The following EPB41L1 variants were observed in gnomAD, a reference collection of about 807,000 sequenced individuals.
EPB41L1 encodes erythrocyte membrane protein band 4.1 like 1.
A neutral mutation model predicts 97.8 loss-of-function variants in EPB41L1; 29 were observed. That is an observed-to-expected ratio of 0.30 (90% CI 0.22 to 0.40). EPB41L1 has a LOEUF of 0.40. Among genes scored for constraint, EPB41L1 ranks in the 10% least tolerant of loss-of-function variants. The probability of loss-of-function intolerance (pLI) is 1.00; values close to 1 mark genes in which losing one functional copy is unlikely to be tolerated. For missense variants in EPB41L1, 812 were observed against 1,162.3 expected, an observed-to-expected ratio of 0.70 and a Z score of 4.38; for synonymous variants, 383 against 459.2, an observed-to-expected ratio of 0.83 and a Z score of 2.12.
Position 36,212,254 on chromosome 20 carries a change from T to TC in EPB41L1, c.2080-15dup. Reference sequence around the variant, plus strand: ...CTAGGGTTTCAGTTACAGAGCATTCTCCCTCCTTTTCCTACAGCCCGTGAA... The same window carrying TC: ...CTAGGGTTTCAGTTACAGAGCATTCTCCCCTCCTTTTCCTACAGCCCGTGAA... On this transcript the variant is annotated splice_polypyrimidine_tract_variant and intron_variant, in intron 15 of 21. Coordinates refer to ENST00000338074, the MANE Select transcript of EPB41L1 (RefSeq NM_012156.2). This position sits in a 1 kb window ranked among gnomAD's most constrained non-coding sequence, Gnocchi z 4.8. 2.5e-6 allele frequency: 4 copies of TC among 1,612,772 alleles called. No individual in the cohort carries two copies. The highest frequency in any genetic ancestry group is 3.4e-6 in the Non-Finnish European group (4 of 1,178,782).
At chr20:36,199,456 G>A (rs1220896507) in intron 14 of EPB41L1, among the ~76,000 whole-genome samples, 1 of 152,220 alleles carries the variant, frequency 6.6e-6, no homozygotes, top group African/African-American at 2.4e-5. Context: ...AATTAGCAGA[G>A]CATTTTATTG....
intron 2 of EPB41L1, among the ~76,000 whole-genome samples, chr20:36,132,347 C>T (rs1255845283): frequency 2.0e-5 from 3 of 151,986 alleles, no homozygotes; most frequent in Non-Finnish European, 4.4e-5. Context: ...GTAGCTGGGT[C>T]CCTCCCACCT....
At chr20:36,188,893 G>T (rs952122460) in intron 9 of EPB41L1, among the ~76,000 whole-genome samples, 3 of 148,598 alleles carry the variant, frequency 2.0e-5, no homozygotes, top group African/African-American at 7.4e-5. Flanking sequence ...AAAAAAAAAA[G>T]GGAGAAAAAA....
chr20:36,229,587 C>A lies in EPB41L1; in HGVS notation c.*247C>A. ...AGAGCAGTTGGCTGACAGCAACAAC[C>A]GACATCTGAACACCTACATTTCCTT... is the stretch of plus-strand genomic sequence containing the variant. On this transcript the variant is annotated 3_prime_UTR_variant, in exon 22 of 22. Transcript: ENST00000338074. 5.3e-6 allele frequency: 2 copies of A among 379,388 alleles called. No homozygotes were observed. Among genetic ancestry groups the A allele is most frequent in the Non-Finnish European group, 9.6e-6 (2 of 209,372 alleles). The allele number at this position is 379,388 out of a possible 1,614,324, so 23.5% of individuals were successfully genotyped here.
Position 36,195,403 on chromosome 20 carries a change from C to T in EPB41L1, c.1485+39C>T. On this transcript the variant is annotated intron_variant, in intron 13 of 21. Coordinates refer to ENST00000338074, the MANE Select transcript of EPB41L1 (RefSeq NM_012156.2). The surrounding 1 kb of genome is among the most constrained non-coding windows in gnomAD (Gnocchi z 4.6). Reference sequence around the variant, plus strand: ...CCTGTCCCTCCCTACCCAGCCGTTCCCATCCCTAGCTCATTTGTCACCATC... The same window carrying T: ...CCTGTCCCTCCCTACCCAGCCGTTCTCATCCCTAGCTCATTTGTCACCATC... 6.2e-7 allele frequency: 1 copy of T among 1,611,856 alleles called. No individual in the cohort carries two copies. Among genetic ancestry groups the T allele is most frequent in the Non-Finnish European group, 8.5e-7 (1 of 1,178,014 alleles).
intron 17 of EPB41L1, among the ~76,000 whole-genome samples, chr20:36,217,350 G>A (rs976335288): frequency 3.3e-5 from 5 of 152,180 alleles, no homozygotes; most frequent in Non-Finnish European, 4.4e-5. Flanking sequence ...CCCAGAGAGC[G>A]GGTGGCAAGT....
intron 2 of EPB41L1, among the ~76,000 whole-genome samples, chr20:36,141,106 G>A (rs1306022307): frequency 1.3e-5 from 2 of 152,172 alleles, no homozygotes; most frequent in Non-Finnish European, 2.9e-5. Context: ...TTCATAGACT[G>A]TGGGCTCAGG....
At chr20:36,219,421 G>A (rs1450144236) in intron 18 of EPB41L1, among the ~76,000 whole-genome samples, 1 of 152,196 alleles carries the variant, frequency 6.6e-6, no homozygotes, top group Non-Finnish European at 1.5e-5. Flanking sequence ...CAGAGAGCGT[G>A]CACCTGGCTA....
chr20:36,115,697 G>A (rs2058561126), intron 2 of EPB41L1, among the ~76,000 whole-genome samples: 1 of 152,116 alleles, frequency 6.6e-6, no homozygotes, highest in African/African-American at 2.4e-5. Flanking sequence ...TTTGAGACTA[G>A]TCTGACCAAC....
chr20:36,226,019 C>A (rs1198995834), intron 21 of EPB41L1, among the ~76,000 whole-genome samples: 43 of 152,236 alleles, frequency 2.8e-4, no homozygotes, highest in Admixed American at 2.6e-3. Context: ...GTTGCCCTGG[C>A]AAGCCAGAAG....
chr20:36,204,488 T>C (rs1321449331), intron 14 of EPB41L1, among the ~76,000 whole-genome samples: 2 of 145,400 alleles, frequency 1.4e-5, no homozygotes, highest in Admixed American at 1.4e-4. Flanking sequence ...TTTTTTTTTT[T>C]TTTTTTTTTG....
intron 2 of EPB41L1, among the ~76,000 whole-genome samples, chr20:36,124,075 C>T (rs577420446): frequency 5.7e-4 from 86 of 151,944 alleles, no homozygotes; most frequent in African/African-American, 1.8e-3. Flanking sequence ...GGTGAAACCC[C>T]GTCTCTACTA....
At chr20:36,101,801 G>A (rs924189484) in intron 1 of EPB41L1, among the ~76,000 whole-genome samples, 4 of 152,046 alleles carry the variant, frequency 2.6e-5, no homozygotes, top group African/African-American at 4.8e-5. Flanking sequence ...CTGAGGTCAG[G>A]GGTTCGAGAC....
chr20:36,097,244 G>T (rs2057860871), intron 1 of EPB41L1, among the ~76,000 whole-genome samples: 1 of 152,220 alleles, frequency 6.6e-6, no homozygotes, highest in African/African-American at 2.4e-5. Flanking sequence ...ATTGGGATGG[G>T]TGGCACACTT....
chr20:36,227,614 C>A lies in EPB41L1; in HGVS notation c.2638-1718C>A, dbSNP rs77403940. On this transcript the variant is annotated intron_variant, in intron 21 of 21. Coordinates refer to ENST00000338074, the MANE Select transcript of EPB41L1 (RefSeq NM_012156.2). ...GATGAGAGTACTGAGAAAGTCAGAT[C>A]GTAATTCTCCACCACCAGCCTGGTG... Among the ~76,000 whole-genome samples, 894 of 152,258 alleles carry A rather than the reference C, an allele frequency of 5.9e-3. 7 individuals carry two copies. The highest frequency in any genetic ancestry group is 0.02 in the African/African-American group (846 of 41,552).
intron 1 of EPB41L1, among the ~76,000 whole-genome samples, chr20:36,094,285 T>G (rs1000191002): frequency 4.6e-5 from 7 of 152,218 alleles, no homozygotes; most frequent in African/African-American, 1.7e-4. Flanking sequence ...AGTGGCATTT[T>G]GCTGCCAAAT....
intron 14 of EPB41L1, among the ~76,000 whole-genome samples, chr20:36,199,549 G>A (rs2062383800): frequency 6.6e-6 from 1 of 152,244 alleles, no homozygotes. Flanking sequence ...AGCTACTGGG[G>A]TGGCTTTCTG....
At chr20:36,174,350 G>A (rs140118481) in intron 2 of EPB41L1, among the ~76,000 whole-genome samples, 1,845 of 151,834 alleles carry the variant, frequency 0.012, 34 homozygotes, top group African/African-American at 0.043. Flanking sequence ...TTCGCTCACT[G>A]TGACCTCTGC....
chr20:36,223,892 T>A (rs1382250664), intron 21 of EPB41L1, among the ~76,000 whole-genome samples: 1 of 152,044 alleles, frequency 6.6e-6, no homozygotes, highest in Non-Finnish European at 1.5e-5. Flanking sequence ...TCTACCACAA[T>A]GAAAAAAAAT....
Sources: allele counts gnomAD v4.1 joint callset (sites outside exome capture counted in the v4.1 genomes callset), GRCh38; gene constraint gnomAD v4.1.1; non-coding constraint Gnocchi (gnomAD v3.1); transcripts MANE v1.5; gene names NCBI Gene and HGNC (gene_info 2026-07-23, HGNC 2026-07-21).